Variants in ZBTB46 observed in about 807,000 individuals in gnomAD.
ZBTB46 encodes zinc finger and BTB domain-containing protein 46.
A neutral mutation model predicts 44.1 loss-of-function variants in ZBTB46; 8 were observed. The ratio of observed to expected loss-of-function variants is 0.18; its 90% confidence interval spans 0.11 to 0.33. The LOEUF (loss-of-function observed/expected upper bound fraction) is 0.33, where lower values mean the gene tolerates loss of function less well. Ranked by LOEUF, ZBTB46 falls within the 10% of genes least tolerant of loss-of-function variation. The pLI is 1.00. For missense variants in ZBTB46, 651 were observed against 847.7 expected, an observed-to-expected ratio of 0.77 and a Z score of 2.88; for synonymous variants, 409 against 382.3, an observed-to-expected ratio of 1.07 and a Z score of -0.81.
At chr20:63,810,995 G>A (rs750240075) in intron 1 of ZBTB46, among the ~76,000 whole-genome samples, 5 of 152,314 alleles carry the variant, frequency 3.3e-5, no homozygotes, top group Non-Finnish European at 7.3e-5. Context: ...CGGCAGAGCC[G>A]GAGAACACTG....
At chr20:63,779,524 A>G (rs1165026605) in intron 2 of ZBTB46, among the ~76,000 whole-genome samples, 1 of 146,056 alleles carries the variant, frequency 6.8e-6, no homozygotes, top group African/African-American at 2.6e-5. Flanking sequence ...GGTTCACGCC[A>G]TTCTCCTGCC....
chr20:63,758,995 G>C (rs1034907930), intron 3 of ZBTB46, among the ~76,000 whole-genome samples: 1 of 152,330 alleles, frequency 6.6e-6, no homozygotes, highest in Non-Finnish European at 1.5e-5. Flanking sequence ...GCCTCCCAAA[G>C]TGCTGGGATG....
intron 1 of ZBTB46, among the ~76,000 whole-genome samples, chr20:63,804,978 T>A (rs2092672626): frequency 6.7e-6 from 1 of 148,802 alleles, no homozygotes; most frequent in South Asian, 2.2e-4. Context: ...TGGAGTGCAG[T>A]GACACGATCT....
intron 3 of ZBTB46, among the ~76,000 whole-genome samples, chr20:63,765,306 G>C (rs1230452716): frequency 6.6e-6 from 1 of 152,178 alleles, no homozygotes; most frequent in Non-Finnish European, 1.5e-5. Flanking sequence ...CTGCTCCAGG[G>C]TTTGGGAAAT....
At position 63,806,223 on chromosome 20, in the gene ZBTB46, G is replaced by A. The variant is rs185368510; in HGVS notation, c.-33-15433C>T. 7.9e-3 allele frequency among the ~76,000 whole-genome samples: 1,184 copies of A among 149,886 alleles called. 9 individuals are homozygous for A. The highest frequency in any genetic ancestry group is 0.046 in the South Asian group (215 of 4,656). ...TCGAGACCAACCTGGCCAACATAGTGAAACCCCGTCTCTACTAAAAGTTAA... is the reference window on the plus strand; with the variant it reads ...TCGAGACCAACCTGGCCAACATAGTAAAACCCCGTCTCTACTAAAAGTTAA... On this transcript the variant is annotated intron_variant, in intron 1 of 4. Transcript: ENST00000245663.
chr20:63,804,632 G>A (rs1201906927), intron 1 of ZBTB46, among the ~76,000 whole-genome samples: 1 of 152,082 alleles, frequency 6.6e-6, no homozygotes, highest in Admixed American at 6.6e-5. Context: ...GGTGGCTCAC[G>A]CCTGTAATCC....
chr20:63,757,577 C>T (rs553838417), intron 3 of ZBTB46, among the ~76,000 whole-genome samples: 5 of 152,260 alleles, frequency 3.3e-5, no homozygotes, highest in African/African-American at 1.2e-4. Flanking sequence ...AGCGTCTCCA[C>T]GACGGCAGCA....
chr20:63,831,302 C>CCGCGCGCGCG (rs1212521399), upstream of ZBTB46: 4 of 133,982 alleles, frequency 3.0e-5, no homozygotes, highest in East Asian at 2.5e-4. Flanking sequence ...CCCCCGCCGC[C>CCGCGCGCGCG]CGCGCGCGCG....
In ZBTB46 at chr20:63,816,055, CGGTGGGCGCAGGTGCAGTGGGCACA is replaced by C. The variant is rs1330368548; in HGVS notation, c.-34+15017_-34+15041del. 5.3e-4 allele frequency among the ~76,000 whole-genome samples: 71 copies of C among 132,916 alleles called. 2 individuals carry two copies. Among genetic ancestry groups the C allele is most frequent in the Admixed American group, 3.2e-3 (41 of 12,846 alleles). The allele number at this position is 132,916 out of a possible 152,430, so 87.2% of individuals were successfully genotyped here. On this transcript the variant is annotated intron_variant, in intron 1 of 4. Transcript: ENST00000245663. ...GGCACAGGTGCGGTGGGTGCAGGTG[CGGTGGGCGCAGGTGCAGTGGGCACA>C]GGTGGGCACAGGTGCAGTGGGCGCA... is the stretch of plus-strand genomic sequence containing the variant.
At chr20:63,772,835 C>G (rs6010649) in intron 3 of ZBTB46, among the ~76,000 whole-genome samples, 41,780 of 151,808 alleles carry the variant, frequency 0.28, 6,135 homozygotes, top group African/African-American at 0.38. Context: ...GAGGACACAG[C>G]ACTCTCACTG....
At chr20:63,804,200 C>T (rs1048414092) in intron 1 of ZBTB46, among the ~76,000 whole-genome samples, 1 of 152,174 alleles carries the variant, frequency 6.6e-6, no homozygotes, top group East Asian at 1.9e-4. Context: ...CAGCCAGGTG[C>T]CCACCAGTCA....
At chr20:63,801,425 C>T (rs896181484) in intron 1 of ZBTB46, among the ~76,000 whole-genome samples, 3 of 152,212 alleles carry the variant, frequency 2.0e-5, no homozygotes, top group African/African-American at 7.2e-5. Context: ...ACAGACCAAT[C>T]AGCTCTCTGT....
At chr20:63,824,247 A>G (rs2092808576) in intron 1 of ZBTB46, among the ~76,000 whole-genome samples, 1 of 152,092 alleles carries the variant, frequency 6.6e-6, no homozygotes, top group African/African-American at 2.4e-5. Flanking sequence ...GACCTGGACA[A>G]ACAAGTGCCT....
intron 3 of ZBTB46, among the ~76,000 whole-genome samples, chr20:63,753,890 G>T (rs1035690130): frequency 6.6e-6 from 1 of 152,232 alleles, no homozygotes; most frequent in South Asian, 2.1e-4. Context: ...GCAGCCCTCT[G>T]CCACCTCCTG....
At chr20:63,819,497 G>A (rs1019142862) in intron 1 of ZBTB46, among the ~76,000 whole-genome samples, 7 of 152,060 alleles carry the variant, frequency 4.6e-5, no homozygotes, top group Non-Finnish European at 8.8e-5. Flanking sequence ...ATGGGCACTC[G>A]ACATGGCCTT....
In ZBTB46 at chr20:63,755,879, A is replaced by G. The variant is rs144862324; in HGVS notation, c.1223-3018T>C. ...TTACACGGAAACGGGCACTCTCACG[A>G]CCTGTCCTAAAAACGGAACCCTTTG... On this transcript the variant is annotated intron_variant, in intron 3 of 4. Transcript: ENST00000245663. Among the ~76,000 whole-genome samples the G allele has an allele frequency of 3.2e-4, 49 of 152,318 alleles. 1 individual carries two copies. The East Asian group carries it at 7.1e-3, about 22-fold the overall frequency.
intron 1 of ZBTB46, among the ~76,000 whole-genome samples, chr20:63,812,760 A>T (rs2092724905): frequency 6.6e-6 from 1 of 152,134 alleles, no homozygotes; most frequent in Non-Finnish European, 1.5e-5. Context: ...GCCTGGTGAC[A>T]GAGCCAGACT....
At chr20:63,823,311 A>G (rs530957611) in intron 1 of ZBTB46, among the ~76,000 whole-genome samples, 4 of 152,236 alleles carry the variant, frequency 2.6e-5, no homozygotes, top group East Asian at 3.9e-4. Context: ...CGTGGGCAAC[A>G]TGGCAAAACC....
chr20:63,747,839 C>A (rs1409552812), intron 4 of ZBTB46, among the ~76,000 whole-genome samples: 1 of 152,172 alleles, frequency 6.6e-6, no homozygotes, highest in Non-Finnish European at 1.5e-5. Flanking sequence ...CCAGAGGCCC[C>A]CTGGGTTGAC....
Sources: gnomAD v4.1 joint callset for allele counts (sites outside exome capture counted in the v4.1 genomes callset) on GRCh38, gnomAD v4.1.1 for gene constraint, MANE v1.5 for transcripts, NCBI Gene and HGNC (gene_info 2026-07-23, HGNC 2026-07-21) for gene names.